ZNF292: variants seen among roughly 807,000 people sequenced by gnomAD.
ZNF292 encodes the protein 16 zinc-finger domain protein.
ZNF292 carries 26 observed loss-of-function variants against 217.9 expected under a neutral mutation model. The observed-to-expected ratio is 0.12, with a 90% CI of 0.09 to 0.17. The LOEUF is 0.17. ZNF292 is among the 10% of genes least tolerant of loss of function. The pLI is 1.00. For synonymous variants in ZNF292, 1,257 were observed against 1,124.1 expected (o/e 1.12, Z -2.37); for missense variants, 2,904 against 3,175.2 (o/e 0.91, Z 2.05).
rs180927734 is a variant in ZNF292 at position 87,167,760 on chromosome 6, A to G, written c.168+12001A>G. Among the ~76,000 whole-genome samples, 8 of 152,354 alleles carry G rather than the reference A, an allele frequency of 5.3e-5. No individual in the cohort carries two copies. In the East Asian group the frequency reaches 1.5e-3, roughly 29 times the overall value. On this transcript the variant is annotated intron_variant, in intron 1 of 7. Transcript: ENST00000369577. ...TTGAGGAGAGCTATGTTTGTCAGAT[A>G]TATTTTACTGCTCTTTATGTGGTTG...
intron 4 of ZNF292, chr6:87,223,008 C>G (rs1773167007): frequency 3.6e-6 from 1 of 280,768 alleles, no homozygotes. Context: ...ATTGCCATCA[C>G]ATTATATAAA....
intron 1 of ZNF292, among the ~76,000 whole-genome samples, chr6:87,177,601 C>T (rs1324076591): frequency 6.6e-6 from 1 of 152,152 alleles, no homozygotes; most frequent in African/African-American, 2.4e-5. Flanking sequence ...AGTTATCCTT[C>T]CAAAGCACAG....
At position 87,262,016 on chromosome 6, in the gene ZNF292, T is replaced by C. The variant is rs1278969772; in HGVS notation, c.*215T>C. The C allele has an allele frequency of 2.9e-6, 1 of 342,722 alleles. No individual in the cohort carries two copies. Among genetic ancestry groups the C allele is most frequent in the Non-Finnish European group, 5.3e-6 (1 of 190,252 alleles). The allele number at this position is 342,722 out of a possible 1,614,324, so 21.2% of individuals were successfully genotyped here. On this transcript the variant is annotated 3_prime_UTR_variant, in exon 8 of 8. Coordinates refer to ENST00000369577, the MANE Select transcript of ZNF292 (RefSeq NM_015021.3). Reference sequence around the variant, plus strand: ...AGGAACAGAATCAGTACTTCAGTTATTGTAAATAGTGAGCTAAACCTCAAA... The same window carrying C: ...AGGAACAGAATCAGTACTTCAGTTACTGTAAATAGTGAGCTAAACCTCAAA...
At chr6:87,222,727 C>T (rs979474063) in intron 4 of ZNF292, 3 of 431,678 alleles carry the variant, frequency 6.9e-6, no homozygotes, top group African/African-American at 6.1e-5. Flanking sequence ...ATAATTTATT[C>T]ACATTTCCTT....
Position 87,264,395 on chromosome 6 carries a change from A to G in ZNF292, c.*2594A>G, listed in dbSNP as rs1775747373. ...AATTTTCAACGGTGTTAAATTTAAC[A>G]TAGGTACATTATTATTTTAAAGGGC... On this transcript the variant is annotated 3_prime_UTR_variant, in exon 8 of 8. Transcript: ENST00000369577. Among the ~76,000 whole-genome samples the G allele has an allele frequency of 6.6e-6, 1 of 152,236 alleles. No homozygotes were observed. Among genetic ancestry groups the G allele is most frequent in the South Asian group, 2.1e-4 (1 of 4,836 alleles).
chr6:87,195,081 A>G (rs1771916451), intron 1 of ZNF292, among the ~76,000 whole-genome samples: 1 of 152,240 alleles, frequency 6.6e-6, no homozygotes, highest in African/African-American at 2.4e-5. Context: ...CATAATTTTA[A>G]ATGATAAAAT....
chr6:87,240,738 T>C (rs550736262), intron 5 of ZNF292, among the ~76,000 whole-genome samples: 14 of 152,338 alleles, frequency 9.2e-5, no homozygotes, highest in Admixed American at 7.8e-4. Flanking sequence ...GCTTAGGTTT[T>C]AGAAGAACAA....
intron 7 of ZNF292, among the ~76,000 whole-genome samples, chr6:87,250,427 G>A (rs1204884239): frequency 1.5e-4 from 23 of 151,984 alleles, no homozygotes. Flanking sequence ...CAGCCTGGGT[G>A]ACAAAGTGAG....
chr6:87,240,266 C>G (rs1057017991), intron 5 of ZNF292, among the ~76,000 whole-genome samples: 2 of 151,304 alleles, frequency 1.3e-5, no homozygotes, highest in Non-Finnish European at 2.9e-5. Flanking sequence ...GCAGGAGAAT[C>G]AGGCAGGGAG....
intron 4 of ZNF292, among the ~76,000 whole-genome samples, chr6:87,225,428 A>G (rs1773297521): frequency 6.6e-6 from 1 of 152,154 alleles, no homozygotes; most frequent in African/African-American, 2.4e-5. Context: ...TATTTTATCT[A>G]AAATCTCATC....
At chr6:87,251,497 T>G (rs926076648) in intron 7 of ZNF292, among the ~76,000 whole-genome samples, 2 of 152,210 alleles carry the variant, frequency 1.3e-5, no homozygotes, top group Non-Finnish European at 2.9e-5. Context: ...GGTGCTGTTC[T>G]TTTCCTGGAA....
At chr6:87,203,954 CTACTT>C (rs1402155853) in intron 1 of ZNF292, among the ~76,000 whole-genome samples, 1 of 152,140 alleles carries the variant, frequency 6.6e-6, no homozygotes, top group Admixed American at 6.5e-5. Flanking sequence ...AGGGCAGACA[CTACTT>C]TAATCAAGGG....
In ZNF292 at chr6:87,265,761, T is replaced by A. The variant is rs2127885950; in HGVS notation, c.*3960T>A. Among the ~76,000 whole-genome samples, 1 of 152,354 alleles carries A rather than the reference T, an allele frequency of 6.6e-6. No homozygotes were observed. Among genetic ancestry groups the A allele is most frequent in the East Asian group, 1.9e-4 (1 of 5,190 alleles). ...ATAATCAACGTGTACACCAATTCAA[T>A]TGTATCAGCTGTTTGCAAATGGTGA... On this transcript the variant is annotated 3_prime_UTR_variant, in exon 8 of 8. Coordinates refer to ENST00000369577, the MANE Select transcript of ZNF292 (RefSeq NM_015021.3).
At chr6:87,190,538 A>G (rs1029128767) in intron 1 of ZNF292, among the ~76,000 whole-genome samples, 1 of 152,100 alleles carries the variant, frequency 6.6e-6, no homozygotes, top group Non-Finnish European at 1.5e-5. Flanking sequence ...CAGTGGCGCA[A>G]TCTTGGCTCA....
At chr6:87,203,628 T>G in intron 1 of ZNF292, among the ~76,000 whole-genome samples, 1 of 150,082 alleles carries the variant, frequency 6.7e-6, no homozygotes, top group African/African-American at 2.5e-5. Context: ...TGGCCCAGAG[T>G]GGAATGTCAA....
rs751254128 is a variant in ZNF292, at chr6:87,260,874, A to G, written c.7245A>G (p.Ala2415=). The change falls in exon 8 of 8, where the codon GCA becomes GCG. Residue 2415 remains alanine, a synonymous_variant. Coordinates refer to ENST00000369577, the MANE Select transcript of ZNF292 (RefSeq NM_015021.3). ...ATAAGTGCCATAAATTATCTAAGGC[A>G]TTTACATCACAACACCGAAATCTTC... ...RHYKCHKLSK[A]FTSQHRNLLI... The G allele has an allele frequency of 1.9e-6, 3 of 1,610,448 alleles. No homozygotes were observed. In the African/African-American group the frequency reaches 4.0e-5, roughly 22 times the overall value.
intron 1 of ZNF292, among the ~76,000 whole-genome samples, chr6:87,178,224 T>C (rs201077560): frequency 1.7e-4 from 4 of 24,192 alleles, no homozygotes. Flanking sequence ...ATGATTGTGT[T>C]TCTTTCTTCT....
At position 87,257,700 on chromosome 6, in the gene ZNF292, A is replaced by C. The variant is rs750082417; in HGVS notation, c.4071A>C (p.Lys1357Asn). 1 of 1,613,050 alleles carries C rather than the reference A, an allele frequency of 6.2e-7. No individual in the cohort carries two copies. Among genetic ancestry groups the C allele is most frequent in the Non-Finnish European group, 8.5e-7 (1 of 1,179,478 alleles). The change falls in exon 8 of 8, where the codon AAA becomes AAC. Residue 1357 changes from lysine to asparagine, a missense_variant. Physicochemically the swap from Lys to Asn is moderately conservative, Grantham distance 94 (BLOSUM62 0). Coordinates refer to ENST00000369577, the MANE Select transcript of ZNF292 (RefSeq NM_015021.3). ...GGGGCCCAAATGGGAAGGAAAGAAA[A>C]CCTAAGCACAACAAAAGGGCTAAAT... ...RGRGPNGKER[K>N]PKHNKRAKWP...
chr6:87,234,989 AGACAGTTTGTAGGCT>A (rs1406605035), intron 5 of ZNF292, among the ~76,000 whole-genome samples: 1 of 152,216 alleles, frequency 6.6e-6, no homozygotes, highest in Non-Finnish European at 1.5e-5. Context: ...GAGTAATGTC[AGACAGTTTGTAGGCT>A]AGATGGAGTG....
Sources: gnomAD v4.1 joint callset for allele counts (sites outside exome capture counted in the v4.1 genomes callset) on GRCh38, gnomAD v4.1.1 for gene constraint, MANE v1.5 for transcripts, NCBI Gene and HGNC (gene_info 2026-07-23, HGNC 2026-07-21) for gene names.